PREP: variants seen among roughly 807,000 people sequenced by gnomAD.
PREP encodes prolyl endopeptidase.
In PREP, 29 loss-of-function variants were observed where a neutral mutation model predicts 87.6. That is an observed-to-expected ratio of 0.33 (90% CI 0.25 to 0.45). PREP has a LOEUF of 0.45. Ranked by LOEUF, PREP falls within the 20% of genes least tolerant of loss-of-function variation. The probability of loss-of-function intolerance (pLI) is 1.00; values close to 1 mark genes in which losing one functional copy is unlikely to be tolerated. For missense variants in PREP, 695 were observed against 886.5 expected, an observed-to-expected ratio of 0.78 and a Z score of 2.74; for synonymous variants, 337 against 328.6, an observed-to-expected ratio of 1.03 and a Z score of -0.28.
At chr6:105,291,105 T>TA (rs1562188516) in intron 10 of PREP, among the ~76,000 whole-genome samples, 1 of 150,400 alleles carries the variant, frequency 6.6e-6, no homozygotes, top group Non-Finnish European at 1.5e-5. Flanking sequence ...ATGCCTTAAT[T>TA]AAAAAATGCT....
intron 7 of PREP, among the ~76,000 whole-genome samples, chr6:105,350,573 A>G (rs964611537): frequency 1.3e-5 from 2 of 152,232 alleles, no homozygotes; most frequent in African/African-American, 4.8e-5. Context: ...ATAGTAAAAC[A>G]ATCACACAAA....
At chr6:105,371,932 C>A (rs1440141372) in intron 5 of PREP, among the ~76,000 whole-genome samples, 2 of 152,062 alleles carry the variant, frequency 1.3e-5, no homozygotes, top group African/African-American at 4.8e-5. Flanking sequence ...CATGAATTGG[C>A]CAGTTATACT....
chr6:105,277,296 G>A lies in PREP; in HGVS notation c.*848C>T, dbSNP rs558462331. Among the ~76,000 whole-genome samples, 2 of 151,508 alleles carry A rather than the reference G, an allele frequency of 1.3e-5. No individual in the cohort carries two copies. Among genetic ancestry groups the A allele is most frequent in the South Asian group, 4.2e-4 (2 of 4,812 alleles). ...CTTGGATATATGTATCTGTTTGTTTGGATAATTTACTCATGTGATCTCTTG... is the reference window on the plus strand; with the variant it reads ...CTTGGATATATGTATCTGTTTGTTTAGATAATTTACTCATGTGATCTCTTG... On this transcript the variant is annotated 3_prime_UTR_variant, in exon 15 of 15. Coordinates refer to ENST00000652536, the MANE Select transcript of PREP (RefSeq NM_002726.5).
chr6:105,303,518 A>G (rs1024256680), intron 10 of PREP, among the ~76,000 whole-genome samples: 1 of 146,660 alleles, frequency 6.8e-6, no homozygotes, highest in Admixed American at 6.8e-5. Flanking sequence ...ATCATGACTG[A>G]AAAAAAAAAA....
intron 5 of PREP, 122 bp downstream of exon 5, chr6:105,373,247 C>T: frequency 9.3e-7 from 1 of 1,075,288 alleles, no homozygotes; most frequent in Non-Finnish European, 1.4e-6. Flanking sequence ...GATACAACAT[C>T]CTTTGAGGAA....
chr6:105,362,256 T>A (rs1772269920), intron 6 of PREP, among the ~76,000 whole-genome samples: 1 of 152,064 alleles, frequency 6.6e-6, no homozygotes, highest in South Asian at 2.1e-4. Context: ...AGGTGAGGAG[T>A]TCAGGACCAG....
At chr6:105,305,256 G>T (rs1181705144) in intron 10 of PREP, among the ~76,000 whole-genome samples, 1 of 152,244 alleles carries the variant, frequency 6.6e-6, no homozygotes, top group East Asian at 1.9e-4. Context: ...CCCTTAAAAG[G>T]GTGAACTACT....
chr6:105,398,053 T>C, intron 1 of PREP, 126 bp from the exon 2 acceptor site: 1 of 726,988 alleles, frequency 1.4e-6, no homozygotes, highest in East Asian at 2.8e-5. Flanking sequence ...ACTGGCAACG[T>C]GTCTGCCCAA....
chr6:105,308,961 ACT>A (rs936689093), intron 10 of PREP, among the ~76,000 whole-genome samples: 20 of 148,922 alleles, frequency 1.3e-4, no homozygotes, highest in African/African-American at 5.2e-4. Flanking sequence ...AGAGTAAGTG[ACT>A]CTGTATAGTA....
At position 105,296,154 on chromosome 6, in the gene PREP, G is replaced by C. The variant is rs189482207; in HGVS notation, c.1318-7260C>G. Among the ~76,000 whole-genome samples the C allele has an allele frequency of 8.9e-3, 1,350 of 152,226 alleles. 7 individuals carry two copies. The highest frequency in any genetic ancestry group is 0.021 in the South Asian group (101 of 4,812). On this transcript the variant is annotated intron_variant, in intron 10 of 14. Transcript: ENST00000652536. ...CTCATCAGCAGTGGATGTTAAAATG[G>C]ATTTTAATTTTTACTAGTGTAATAG... is the stretch of plus-strand genomic sequence containing the variant.
chr6:105,302,936 C>T (rs886838628), intron 10 of PREP: 5 of 223,320 alleles, frequency 2.2e-5, no homozygotes, highest in African/African-American at 1.2e-4. Flanking sequence ...ATTGTAGCTA[C>T]CTCTCCCACA....
At position 105,365,016 on chromosome 6, in the gene PREP, A is replaced by G. The variant is rs1168589491; in HGVS notation, c.717+3887T>C. On this transcript the variant is annotated intron_variant, in intron 6 of 14. Coordinates refer to ENST00000652536, the MANE Select transcript of PREP (RefSeq NM_002726.5). ...TGTAATCCTAGCACTTTGGGAGACC[A>G]AGATGGGCGGATCAGAGGTCAGGAG... Among the ~76,000 whole-genome samples the G allele has an allele frequency of 2.0e-5, 3 of 152,344 alleles. No individual in the cohort carries two copies. In the East Asian group the frequency reaches 5.8e-4, roughly 29 times the overall value.
chr6:105,401,122 T>A (rs746646751), intron 1 of PREP, among the ~76,000 whole-genome samples: 6 of 152,206 alleles, frequency 3.9e-5, no homozygotes, highest in African/African-American at 1.2e-4. Context: ...CAGTATACCC[T>A]TCCGAGTTGT....
intron 6 of PREP, among the ~76,000 whole-genome samples, chr6:105,354,771 C>T (rs1420031714): frequency 6.6e-6 from 1 of 151,950 alleles, no homozygotes; most frequent in Non-Finnish European, 1.5e-5. Context: ...ATCACATGAG[C>T]CAATTCCTTA....
chr6:105,373,687 A>G, intron 4 of PREP, 109 bp from the exon 5 acceptor site: 1 of 1,085,324 alleles, frequency 9.2e-7, no homozygotes, highest in East Asian at 2.6e-5. Context: ...AGAATGTGGC[A>G]ATAAAAGGAA....
chr6:105,336,273 T>G (rs930782336), intron 7 of PREP, among the ~76,000 whole-genome samples: 1 of 152,192 alleles, frequency 6.6e-6, no homozygotes, highest in Non-Finnish European at 1.5e-5. Flanking sequence ...AAAATATACA[T>G]AAAATAAAAT....
At chr6:105,303,133 ATGTATGTATG>A (rs1770579845) in intron 10 of PREP, among the ~76,000 whole-genome samples, 2 of 151,954 alleles carry the variant, frequency 1.3e-5, no homozygotes, top group Non-Finnish European at 2.9e-5. Context: ...GTATGTATGT[ATGTATGTATG>A]TATGTATGTA....
intron 6 of PREP, among the ~76,000 whole-genome samples, chr6:105,364,208 A>G (rs1044987303): frequency 2.6e-5 from 4 of 152,196 alleles, no homozygotes; most frequent in African/African-American, 9.7e-5. Context: ...ATGAACCTTT[A>G]ATAGCAGTTC....
chr6:105,369,810 A>AAAAC (rs143075222), intron 5 of PREP, among the ~76,000 whole-genome samples: 123 of 152,260 alleles, frequency 8.1e-4, no homozygotes, highest in Middle Eastern at 3.4e-3. Flanking sequence ...AGCAATAAGA[A>AAAAC]AAACAAACAA....
Sources: allele counts gnomAD v4.1 joint callset (sites outside exome capture counted in the v4.1 genomes callset), GRCh38; gene constraint gnomAD v4.1.1; transcripts MANE v1.5; gene names NCBI Gene and HGNC (gene_info 2026-07-23, HGNC 2026-07-21).